Variants in KCNQ5 observed in about 807,000 individuals in gnomAD.
The protein encoded by KCNQ5 is potassium voltage-gated channel subfamily Q member 5.
Under a neutral mutation model 98.2 loss-of-function variants are expected in KCNQ5, and 30 were observed. That is an observed-to-expected ratio of 0.31 (90% CI 0.23 to 0.41). KCNQ5 has a LOEUF of 0.41. Ranked by LOEUF, KCNQ5 falls within the 10% of genes least tolerant of loss-of-function variation. The probability of loss-of-function intolerance (pLI) is 1.00; values close to 1 mark genes in which losing one functional copy is unlikely to be tolerated. For missense variants in KCNQ5, 835 were observed against 1,182.5 expected (o/e 0.71, Z 4.31); for synonymous variants, 458 against 449.4 (o/e 1.02, Z -0.24).
intron 1 of KCNQ5, among the ~76,000 whole-genome samples, chr6:72,891,852 C>A (rs948127061): frequency 2.0e-5 from 3 of 152,140 alleles, no homozygotes; most frequent in African/African-American, 7.2e-5. Context: ...TGATAGTAAT[C>A]TAGGCAGGAA....
intron 1 of KCNQ5, among the ~76,000 whole-genome samples, chr6:72,681,253 A>C (rs533391635): frequency 6.6e-6 from 1 of 152,360 alleles, no homozygotes; most frequent in Admixed American, 6.5e-5. Context: ...CTGTGTGATG[A>C]TGCTAGTTTG....
intron 1 of KCNQ5, among the ~76,000 whole-genome samples, chr6:72,821,595 T>A (rs1775754538): frequency 6.6e-6 from 1 of 151,960 alleles, no homozygotes; most frequent in Admixed American, 6.6e-5. Context: ...CAGCTGCTCA[T>A]GAAGTTTCAA....
chr6:73,046,075 A>T (rs1771946017), intron 3 of KCNQ5, among the ~76,000 whole-genome samples: 1 of 152,162 alleles, frequency 6.6e-6, no homozygotes, highest in Admixed American at 6.5e-5. Context: ...CTACTCTAAT[A>T]TATCTATGAT....
At chr6:73,166,907 C>A (rs991137291) in intron 10 of KCNQ5, among the ~76,000 whole-genome samples, 4 of 152,176 alleles carry the variant, frequency 2.6e-5, no homozygotes, top group African/African-American at 9.7e-5. Flanking sequence ...CATTTAGGGT[C>A]CCCGCCTAAT....
intron 2 of KCNQ5, among the ~76,000 whole-genome samples, chr6:73,033,528 A>G (rs950128789): frequency 5.3e-5 from 8 of 152,292 alleles, no homozygotes; most frequent in African/African-American, 1.2e-4. Flanking sequence ...AAGACACTAG[A>G]TTTTGCTGGA....
intron 1 of KCNQ5, among the ~76,000 whole-genome samples, chr6:72,728,224 A>G (rs1363286511): frequency 6.6e-6 from 1 of 152,178 alleles, no homozygotes; most frequent in Non-Finnish European, 1.5e-5. Context: ...AATTATTCGC[A>G]TGCCACCCAC....
intron 8 of KCNQ5, among the ~76,000 whole-genome samples, chr6:73,123,176 G>A (rs1326687593): frequency 6.6e-6 from 1 of 151,024 alleles, no homozygotes; most frequent in Admixed American, 6.6e-5. Context: ...TGTATTCAAG[G>A]GATGTTGGGA....
intron 1 of KCNQ5, among the ~76,000 whole-genome samples, chr6:72,856,469 T>TAC (rs767112412): frequency 1.0e-3 from 61 of 58,950 alleles, no homozygotes; most frequent in African/African-American, 2.0e-3. Context: ...CACACACATA[T>TAC]ATACACACAC....
chr6:72,894,489 C>G (rs1466127471), intron 1 of KCNQ5, among the ~76,000 whole-genome samples: 4 of 152,110 alleles, frequency 2.6e-5, no homozygotes, highest in Admixed American at 2.6e-4. Context: ...GAGGTTATGT[C>G]TCAAGTTTCT....
chr6:72,776,305 T>C (rs1773160540), intron 1 of KCNQ5, among the ~76,000 whole-genome samples: 2 of 152,272 alleles, frequency 1.3e-5, no homozygotes, highest in East Asian at 1.9e-4. Flanking sequence ...TTATTCTTTG[T>C]TTTTTCTACA....
At chr6:73,097,142 C>CATATATATACATATATAT (rs1774540468) in intron 5 of KCNQ5, among the ~76,000 whole-genome samples, 2 of 121,858 alleles carry the variant, frequency 1.6e-5, no homozygotes, top group Non-Finnish European at 3.5e-5. Context: ...CAATAGATCT[C>CATATATATACATATATAT]ATATATATAT....
chr6:73,157,590 G>A (rs993378097), intron 10 of KCNQ5: 8 of 768,616 alleles, frequency 1.0e-5, no homozygotes, highest in Admixed American at 3.5e-5. Flanking sequence ...CTGGCATGGA[G>A]GGCGGCGGCA....
At chr6:72,657,014 G>A (rs1766230096) in intron 1 of KCNQ5, among the ~76,000 whole-genome samples, 1 of 152,102 alleles carries the variant, frequency 6.6e-6, no homozygotes, top group Non-Finnish European at 1.5e-5. Flanking sequence ...ACCAATCTGA[G>A]CAGCACAGTG....
chr6:72,974,267 T>C (rs951593306), intron 1 of KCNQ5, among the ~76,000 whole-genome samples: 5 of 152,110 alleles, frequency 3.3e-5, no homozygotes, highest in Non-Finnish European at 4.4e-5. Context: ...AGAGAGACCA[T>C]ATGGCTCACA....
At chr6:73,188,725 C>CT (rs1197096884) in intron 11 of KCNQ5, among the ~76,000 whole-genome samples, 1 of 152,168 alleles carries the variant, frequency 6.6e-6, no homozygotes, top group African/African-American at 2.4e-5. Flanking sequence ...TGGCTCACGC[C>CT]TGTAATCCCA....
At chr6:73,115,257 A>T (rs762171479) in intron 7 of KCNQ5, among the ~76,000 whole-genome samples, 13 of 152,232 alleles carry the variant, frequency 8.5e-5, no homozygotes, top group Admixed American at 2.0e-4. Flanking sequence ...GAATAAACAG[A>T]GATTGAAAAT....
At chr6:72,997,558 G>A (rs1338174571) in intron 1 of KCNQ5, among the ~76,000 whole-genome samples, 1 of 151,052 alleles carries the variant, frequency 6.6e-6, no homozygotes. Context: ...GGCGGATCAC[G>A]AGGTCAGAAG....
At chr6:72,830,669 C>T (rs1446505447) in intron 1 of KCNQ5, among the ~76,000 whole-genome samples, 2 of 152,110 alleles carry the variant, frequency 1.3e-5, no homozygotes, top group Non-Finnish European at 2.9e-5. Flanking sequence ...CAGGACATAG[C>T]CATGGGCAAG....
In KCNQ5 at chr6:72,657,143, G is replaced by A. The variant is rs560868465; in HGVS notation, c.398+34556G>A. Among the ~76,000 whole-genome samples the A allele has an allele frequency of 7.4e-4, 113 of 152,262 alleles. 2 individuals are homozygous for A. The South Asian group carries it at 0.021, about 28-fold the overall frequency. On this transcript the variant is annotated intron_variant, in intron 1 of 13. Coordinates refer to ENST00000370398, the MANE Select transcript of KCNQ5 (RefSeq NM_019842.4). Reference sequence around the variant, plus strand: ...GAGGATAGTTTGAGCCCAGGAGCTTGAGGTTATGGTGAATTATGATTGCAC... The same window carrying A: ...GAGGATAGTTTGAGCCCAGGAGCTTAAGGTTATGGTGAATTATGATTGCAC...
Sources: gnomAD v4.1 joint callset for allele counts (sites outside exome capture counted in the v4.1 genomes callset) on GRCh38, gnomAD v4.1.1 for gene constraint, MANE v1.5 for transcripts, NCBI Gene and HGNC (gene_info 2026-07-23, HGNC 2026-07-21) for gene names.